CTNNA2: variants seen among roughly 807,000 people sequenced by gnomAD.
CTNNA2 encodes catenin alpha-2.
A neutral mutation model predicts 101.0 loss-of-function variants in CTNNA2; 42 were observed. The ratio of observed to expected loss-of-function variants is 0.42; its 90% CI spans 0.32 to 0.54. CTNNA2 has a LOEUF of 0.54. Ranked by LOEUF, CTNNA2 falls within the 20% of genes least tolerant of loss-of-function variation. The pLI is 0.14. For synonymous variants in CTNNA2, 450 were observed against 456.4 expected, an observed-to-expected ratio of 0.99 and a Z score of 0.18; for missense variants, 871 against 1,223.1, an observed-to-expected ratio of 0.71 and a Z score of 4.29.
chr2:80,127,086 G>T (rs1176739487), intron 7 of CTNNA2, among the ~76,000 whole-genome samples: 1 of 152,186 alleles, frequency 6.6e-6, no homozygotes. Context: ...GGACTAGGTT[G>T]CATTCTTTGA....
chr2:80,043,048 TTTC>T (rs1274776995), intron 7 of CTNNA2, among the ~76,000 whole-genome samples: 4 of 21,088 alleles, frequency 1.9e-4, no homozygotes, highest in African/African-American at 4.2e-4. Flanking sequence ...TCCTTCTTTC[TTTC>T]TTTCTTTCTT....
At chr2:80,321,017 A>T (rs1678624699) in intron 7 of CTNNA2, among the ~76,000 whole-genome samples, 1 of 152,224 alleles carries the variant, frequency 6.6e-6, no homozygotes, top group Non-Finnish European at 1.5e-5. Flanking sequence ...TGCCAATATT[A>T]ATGTTTATTC....
At position 80,038,004 on chromosome 2, in the gene CTNNA2, T is replaced by C. The variant is rs1262589169; in HGVS notation, c.1056+128207T>C. 2.0e-5 allele frequency among the ~76,000 whole-genome samples: 3 copies of C among 152,196 alleles called. No homozygotes were observed. In the East Asian group the frequency reaches 5.8e-4, roughly 29 times the overall value. On this transcript the variant is annotated intron_variant, in intron 7 of 18. Transcript: ENST00000402739. ...GGTGGAGAGACCTAATTGGGGGTGA[T>C]GACATGAATAAACTTGTCCTATGAC...
At chr2:79,810,926 A>C (rs946323264) in intron 3 of CTNNA2, among the ~76,000 whole-genome samples, 11 of 151,532 alleles carry the variant, frequency 7.3e-5, no homozygotes, top group African/African-American at 2.7e-4. Flanking sequence ...CCAGTCTATC[A>C]TTGTTGGACA....
At position 80,647,710 on chromosome 2, in the gene CTNNA2, C is replaced by T. The variant is rs1674260518; in HGVS notation, c.2700C>T (p.Asn900=). Reference sequence around the variant, plus strand: ...AGGTCTATGGGACAGCAGCTGTCAACTCACCTGTTGTGTCTTGGAAGATGA... The same window carrying T: ...AGGTCTATGGGACAGCAGCTGTCAATTCACCTGTTGTGTCTTGGAAGATGA... The part of the protein sequence containing the change: ...YQKVYGTAAV[N]SPVVSWKMKA... Residue 900 remains asparagine, a synonymous_variant, in exon 19 of 19, where the codon AAC becomes AAT. Transcript: ENST00000402739. The T allele has an allele frequency of 6.2e-7, 1 of 1,613,518 alleles. No individual in the cohort carries two copies. The highest frequency in any genetic ancestry group is 8.5e-7 in the Non-Finnish European group (1 of 1,179,572).
upstream of CTNNA2, among the ~76,000 whole-genome samples, chr2:79,512,301 G>A (rs1399531991): frequency 1.3e-5 from 2 of 152,166 alleles, no homozygotes; most frequent in Admixed American, 1.3e-4. Flanking sequence ...ATCAAGAAAA[G>A]AATCACAATG....
chr2:80,087,547 C>G (rs1699522803), intron 7 of CTNNA2, among the ~76,000 whole-genome samples: 1 of 151,992 alleles, frequency 6.6e-6, no homozygotes, highest in Non-Finnish European at 1.5e-5. Flanking sequence ...TTCAAAGTAG[C>G]CTTCTGGGTA....
intron 9 of CTNNA2, among the ~76,000 whole-genome samples, chr2:80,453,787 A>T (rs1383550062): frequency 6.6e-6 from 1 of 152,194 alleles, no homozygotes; most frequent in African/African-American, 2.4e-5. Flanking sequence ...CCTGACTGTA[A>T]ATCAAAAGAT....
chr2:79,753,041 G>A (rs979936548), intron 3 of CTNNA2, among the ~76,000 whole-genome samples: 3 of 152,160 alleles, frequency 2.0e-5, no homozygotes, highest in African/African-American at 4.8e-5. Flanking sequence ...AAAGACAGAG[G>A]TGTTTTTAAT....
At chr2:80,460,103 A>AG (rs1684301555) in intron 9 of CTNNA2, among the ~76,000 whole-genome samples, 1 of 152,148 alleles carries the variant, frequency 6.6e-6, no homozygotes, top group Admixed American at 6.6e-5. Flanking sequence ...AAGACTCTAT[A>AG]CATAAGTCAG....
intron 2 of CTNNA2, among the ~76,000 whole-genome samples, chr2:79,275,508 C>T (rs1037215825): frequency 3.3e-5 from 5 of 151,874 alleles, no homozygotes; most frequent in Non-Finnish European, 5.9e-5. Context: ...AATTTTCTTG[C>T]CCCTCATGTT....
chr2:79,914,238 A>G (rs1686027999), intron 7 of CTNNA2, among the ~76,000 whole-genome samples: 1 of 151,834 alleles, frequency 6.6e-6, no homozygotes, highest in Non-Finnish European at 1.5e-5. Context: ...GACAGATTGC[A>G]TTTGAAAGGG....
At chr2:80,116,393 AAG>A (rs1223099213) in intron 7 of CTNNA2, among the ~76,000 whole-genome samples, 1 of 151,938 alleles carries the variant, frequency 6.6e-6, no homozygotes, top group Non-Finnish European at 1.5e-5. Flanking sequence ...AAAAAAAAAA[AAG>A]AACGACACAA....
chr2:80,582,639 G>A (rs1054943431), intron 14 of CTNNA2, among the ~76,000 whole-genome samples: 49 of 152,078 alleles, frequency 3.2e-4, no homozygotes, highest in African/African-American at 1.1e-3. Context: ...TGCATAGGAC[G>A]ATGAAATTTT....
At chr2:80,172,149 A>T (rs376127827) in intron 7 of CTNNA2, among the ~76,000 whole-genome samples, 4 of 152,196 alleles carry the variant, frequency 2.6e-5, no homozygotes, top group East Asian at 1.9e-4. Context: ...GACTTTGTTG[A>T]TCTGCCACCT....
intron 18 of CTNNA2, among the ~76,000 whole-genome samples, chr2:80,647,331 C>T (rs1674216214): frequency 6.6e-6 from 1 of 152,026 alleles, no homozygotes; most frequent in African/African-American, 2.4e-5. Context: ...TGCTAATTAC[C>T]CTAATGTAAT....
chr2:79,970,910 A>G lies in CTNNA2; in HGVS notation c.1056+61113A>G, dbSNP rs535213092. 6.4e-4 allele frequency among the ~76,000 whole-genome samples: 98 copies of G among 152,246 alleles called. 1 individual carries two copies. The highest frequency in any genetic ancestry group is 2.1e-3 in the African/African-American group (87 of 41,542). ...TGAGGTTGGACTGTGATTTGACAAC[A>G]TTATTTCTTTCCAAGATTAATGTGT... On this transcript the variant is annotated intron_variant, in intron 7 of 18. Transcript: ENST00000402739.
chr2:79,758,250 G>A (rs753506146), intron 3 of CTNNA2, among the ~76,000 whole-genome samples: 2 of 151,952 alleles, frequency 1.3e-5, no homozygotes, highest in Non-Finnish European at 1.5e-5. Flanking sequence ...AAATGCATTC[G>A]ATATAAACAT....
intron 4 of CTNNA2, among the ~76,000 whole-genome samples, chr2:79,394,168 C>T (rs1678205098): frequency 6.6e-6 from 1 of 152,106 alleles, no homozygotes; most frequent in Non-Finnish European, 1.5e-5. Context: ...ACTCTGGACA[C>T]ATTTTTTGTT....
Sources: allele counts gnomAD v4.1 joint callset (sites outside exome capture counted in the v4.1 genomes callset), GRCh38; gene constraint gnomAD v4.1.1; transcripts MANE v1.5; gene names NCBI Gene and HGNC (gene_info 2026-07-23, HGNC 2026-07-21).